The following P2RX1 variants were observed in gnomAD, a reference collection of about 807,000 sequenced individuals.
The protein encoded by P2RX1 is purinergic receptor P2X 1.
P2RX1 carries 42 observed loss-of-function variants against 50.3 expected under a neutral mutation model. The ratio of observed to expected loss-of-function variants is 0.83; its 90% confidence interval spans 0.65 to 1.08. The LOEUF (loss-of-function observed/expected upper bound fraction) is 1.08. P2RX1 is among the 50% of genes least tolerant of loss of function. The pLI is 0.00. For synonymous variants in P2RX1, 199 were observed against 202.6 expected (o/e 0.98, Z 0.15); for missense variants, 449 against 529.0 (o/e 0.85, Z 1.48).
At chr17:3,899,808 A>G (rs1038953510) in intron 7 of P2RX1, 47 bp from the exon 8 acceptor site, 11 of 1,607,136 alleles carry the variant, frequency 6.8e-6, no homozygotes, top group Non-Finnish European at 7.7e-6. Context: ...AGGATCAAAA[A>G]CCCCTGTCTC....
chr17:3,902,975 G>C (rs1450271163), intron 7 of P2RX1, among the ~76,000 whole-genome samples: 3 of 151,002 alleles, frequency 2.0e-5, no homozygotes, highest in Non-Finnish European at 4.4e-5. Context: ...AGATGACAAG[G>C]TCTGCCCACA....
chr17:3,899,843 G>A, intron 7 of P2RX1, 82 bp from the exon 8 acceptor site: 3 of 1,550,874 alleles, frequency 1.9e-6, no homozygotes, highest in Non-Finnish European at 1.8e-6. Flanking sequence ...GCTCACACCT[G>A]TAATCCCAGC....
At position 3,898,016 on chromosome 17, in the gene P2RX1, G is replaced by A; in HGVS notation, c.1127C>T (p.Pro376Leu). Residue 376 changes from proline to leucine, a missense_variant, in exon 11 of 12, where the codon CCA becomes CTA. By Grantham distance (98) the Pro-to-Leu change is moderately conservative (BLOSUM62 -3). Transcript: ENST00000225538. ...KKFKYAEDMG[P>L]GAAERDLAAT... Reference sequence around the variant, plus strand: ...CTCGGGGGGTTCTCTTACCGCCCCTGGCCCCATGTCCTCAGCGTATTTGAA... The same window carrying A: ...CTCGGGGGGTTCTCTTACCGCCCCTAGCCCCATGTCCTCAGCGTATTTGAA... 6.2e-7 allele frequency: 1 copy of A among 1,613,662 alleles called. No homozygotes were observed. Among genetic ancestry groups the A allele is most frequent in the Admixed American group, 1.7e-5 (1 of 59,966 alleles).
intron 9 of P2RX1, 90 bp from the exon 10 acceptor site, chr17:3,898,639 C>G (rs1267630491): frequency 1.0e-6 from 1 of 999,330 alleles, no homozygotes; most frequent in Non-Finnish European, 1.6e-6. Flanking sequence ...ACTTCCCCAC[C>G]CTCGGCTGTG....
chr17:3,915,343 C>T (rs769293046), intron 1 of P2RX1: 16 of 407,556 alleles, frequency 3.9e-5, no homozygotes, highest in Middle Eastern at 3.6e-4. Flanking sequence ...CAGGGACACA[C>T]ACCCAGACAC....
chr17:3,903,412 CTGG>C lies in P2RX1; in HGVS notation c.606-72_606-70del. On this transcript the variant is annotated intron_variant, in intron 6 of 11. Coordinates refer to ENST00000225538, the MANE Select transcript of P2RX1 (RefSeq NM_002558.4). This position sits in a 1 kb window ranked among gnomAD's most constrained non-coding sequence, Gnocchi z 4.6. Reference sequence around the variant, plus strand: ...GAGGGTGCCCACCACGCCCCAAAGCCTGGGGACCCCTCACAGGCTCCACATTGC... The same window carrying C: ...GAGGGTGCCCACCACGCCCCAAAGCCGGACCCCTCACAGGCTCCACATTGC... 1 of 1,606,408 alleles carries C rather than the reference CTGG, an allele frequency of 6.2e-7. No individual in the cohort carries two copies. The highest frequency in any genetic ancestry group is 1.3e-5 in the African/African-American group (1 of 74,844).
chr17:3,915,545 C>G (rs1304091142), intron 1 of P2RX1: 3 of 456,562 alleles, frequency 6.6e-6, no homozygotes, highest in Non-Finnish European at 1.3e-5. Context: ...CAATCTCTGT[C>G]CTCCGCCTGA....
rs2056240110 is a variant in P2RX1, at chr17:3,905,224, G to T, written c.281C>A (p.Ala94Asp). Residue 94 changes from alanine to aspartate, a missense_variant, in exon 2 of 12, where the codon GCC (alanine) becomes GAC (aspartate). Coordinates refer to ENST00000225538, the MANE Select transcript of P2RX1 (RefSeq NM_002558.4). ...TGCAAACCTGAGCCAGCTCACCTGG[G>T]CTGGGAAGACGTAGTCAGCCACATC... ...VWDVADYVFP[A>D]QGDNSFVVMT... 3 of 1,612,724 alleles carry T rather than the reference G, an allele frequency of 1.9e-6. No homozygotes were observed. In the African/African-American group the frequency reaches 4.0e-5, roughly 22 times the overall value.
At chr17:3,904,145 G>A in intron 4 of P2RX1, 121 bp from the exon 5 acceptor site, 1 of 1,028,032 alleles carries the variant, frequency 9.7e-7, no homozygotes, top group South Asian at 1.3e-5. Flanking sequence ...CAGAAACGTG[G>A]CTGGGTCCCG....
At position 3,898,984 on chromosome 17, in the gene P2RX1, G is replaced by GATC; in HGVS notation, c.915_916insGAT (p.Arg305_His306insAsp). 6.2e-7 allele frequency: 1 copy of GATC among 1,613,650 alleles called. No homozygotes were observed. Among genetic ancestry groups the GATC allele is most frequent in the East Asian group, 2.2e-5 (1 of 44,762 alleles). The stretch of plus-strand genomic sequence containing the variant: ...CGAATCCCAAACACCTTGAAGAGGT[G>GATC]ACGGTAGTTGGTCCCGTTCTCCACA... On this transcript the variant is annotated inframe_insertion, in exon 9 of 12. Coordinates refer to ENST00000225538, the MANE Select transcript of P2RX1 (RefSeq NM_002558.4).
In P2RX1 at chr17:3,903,629, G is replaced by A. The variant is rs1364204258; in HGVS notation, c.527C>T (p.Pro176Leu). The A allele has an allele frequency of 1.2e-6, 2 of 1,613,732 alleles. No individual in the cohort carries two copies. The highest frequency in any genetic ancestry group is 2.2e-5 in the South Asian group (2 of 91,058). The change falls in exon 6 of 12, where the codon CCT becomes CTT. Residue 176 changes from proline (P) to leucine (L), a missense_variant and splice_region_variant. Transcript: ENST00000225538. This position sits in a 1 kb window ranked among gnomAD's most constrained non-coding sequence, Gnocchi z 4.6. The stretch of plus-strand genomic sequence containing the variant: ...GTTCTCGGCCTCTCGGAGAAGGGCA[G>A]GGCTGGAGGACACCACACGCACTCA... ...PVEVDDDIPR[P>L]ALLREAENFT...
intron 9 of P2RX1, 67 bp downstream of exon 9, chr17:3,898,867 G>A (rs976134642): frequency 4.0e-6 from 5 of 1,259,440 alleles, no homozygotes; most frequent in Admixed American, 1.7e-5. Flanking sequence ...AACTGTAGAT[G>A]CCCAAAGGTA....
At position 3,910,483 on chromosome 17, in the gene P2RX1, C is replaced by T. The variant is rs140078453; in HGVS notation, c.138-5116G>A. Reference sequence around the variant, plus strand: ...ATCATGCCCCCACATTCATTGGATCCCCCAGTCCTTCTGGTCCTCCCTCGG... The same window carrying T: ...ATCATGCCCCCACATTCATTGGATCTCCCAGTCCTTCTGGTCCTCCCTCGG... On this transcript the variant is annotated intron_variant, in intron 1 of 11. Coordinates refer to ENST00000225538, the MANE Select transcript of P2RX1 (RefSeq NM_002558.4). 1.8e-4 allele frequency among the ~76,000 whole-genome samples: 28 copies of T among 152,340 alleles called. 1 individual carries two copies. In the East Asian group the frequency reaches 5.4e-3, roughly 29 times the overall value.
intron 7 of P2RX1, among the ~76,000 whole-genome samples, chr17:3,899,990 A>T (rs933254706): frequency 1.3e-5 from 2 of 152,046 alleles, no homozygotes. Context: ...AATACCAACT[A>T]CTTGGGAGGC....
intron 1 of P2RX1, among the ~76,000 whole-genome samples, chr17:3,913,173 T>G (rs890079711): frequency 2.1e-5 from 3 of 146,170 alleles, no homozygotes; most frequent in African/African-American, 7.7e-5. Flanking sequence ...ACTCTGTCAC[T>G]CAGGCTGGAG....
At chr17:3,901,066 A>AT (rs374993346) in intron 7 of P2RX1, among the ~76,000 whole-genome samples, 22 of 149,570 alleles carry the variant, frequency 1.5e-4, no homozygotes, top group African/African-American at 3.4e-4. Flanking sequence ...TGGCAGGGAG[A>AT]TTTTTTTTTT....
Position 3,897,659 on chromosome 17 carries a change from T to A in P2RX1, c.*155A>T. The A allele has an allele frequency of 2.8e-6, 2 of 706,154 alleles. No individual in the cohort carries two copies. The highest frequency in any genetic ancestry group is 5.0e-6 in the Non-Finnish European group (2 of 398,836). The allele number at this position is 706,154 out of a possible 1,614,324, so 43.7% of individuals were successfully genotyped here. ...CGGAGCTCAGATTTGCACAGGTCTC[T>A]CCTACTATGCACCCTGAGCTTCTGG... On this transcript the variant is annotated 3_prime_UTR_variant, in exon 12 of 12. Coordinates refer to ENST00000225538, the MANE Select transcript of P2RX1 (RefSeq NM_002558.4).
chr17:3,902,441 A>G (rs1348367024), intron 7 of P2RX1, among the ~76,000 whole-genome samples: 20 of 149,062 alleles, frequency 1.3e-4, no homozygotes, highest in Admixed American at 1.1e-3. Flanking sequence ...TTACAGGCGC[A>G]TGCCACGATG....
At chr17:3,900,686 G>A (rs2056122780) in intron 7 of P2RX1, among the ~76,000 whole-genome samples, 1 of 152,040 alleles carries the variant, frequency 6.6e-6, no homozygotes, top group South Asian at 2.1e-4. Context: ...TTTTCTTTGG[G>A]AGCATTTCTC....
Sources: gnomAD v4.1 joint callset for allele counts (sites outside exome capture counted in the v4.1 genomes callset) on GRCh38, gnomAD v4.1.1 for gene constraint, Gnocchi (gnomAD v3.1) non-coding constraint, MANE v1.5 for transcripts, NCBI Gene and HGNC (gene_info 2026-07-23, HGNC 2026-07-21) for gene names.